Variants in ASIC2 observed in about 807,000 individuals in gnomAD.
The protein encoded by ASIC2 is acid sensing ion channel subunit 2.
A neutral mutation model predicts 57.3 loss-of-function variants in ASIC2; 25 were observed. That is an observed-to-expected ratio of 0.44 (90% CI 0.32 to 0.61). The LOEUF is 0.61. Ranked by LOEUF, ASIC2 falls within the 20% of genes least tolerant of loss-of-function variation. The pLI is 0.06. For missense variants in ASIC2, 641 were observed against 738.1 expected (o/e 0.87, Z 1.52); for synonymous variants, 319 against 307.5 (o/e 1.04, Z -0.39).
intron 1 of ASIC2, among the ~76,000 whole-genome samples, chr17:33,759,774 G>A (rs964368345): frequency 1.3e-5 from 2 of 152,154 alleles, no homozygotes; most frequent in Non-Finnish European, 2.9e-5. Flanking sequence ...TTGTGCTGCC[G>A]CTCTAGAAGG....
At position 33,960,327 on chromosome 17, in the gene ASIC2, A is replaced by T. The variant is rs1314785639; in HGVS notation, c.555+195651T>A. On this transcript the variant is annotated intron_variant, in intron 1 of 9. Coordinates refer to the ASIC2 transcript ENST00000359872. Reference sequence around the variant, plus strand: ...AGCCCCTAAATCTAGATCTGCCTGGATGCTTCAATCTTTGCACCAATACAT... The same window carrying T: ...AGCCCCTAAATCTAGATCTGCCTGGTTGCTTCAATCTTTGCACCAATACAT... Among the ~76,000 whole-genome samples, 5 of 152,314 alleles carry T rather than the reference A, an allele frequency of 3.3e-5. No individual in the cohort carries two copies. In the East Asian group the frequency reaches 9.6e-4, roughly 29 times the overall value.
intron 2 of ASIC2, among the ~76,000 whole-genome samples, chr17:33,107,687 T>A (rs1321687386): frequency 6.6e-6 from 1 of 152,238 alleles, no homozygotes; most frequent in Non-Finnish European, 1.5e-5. Flanking sequence ...CATGAGCCCA[T>A]AGGGCTGGGT....
chr17:33,481,311 T>A (rs1913396803), intron 1 of ASIC2, among the ~76,000 whole-genome samples: 1 of 152,242 alleles, frequency 6.6e-6, no homozygotes, highest in South Asian at 2.1e-4. Context: ...CACAACTCTC[T>A]TCTAAACTTC....
chr17:33,707,360 C>A (rs1908893711), intron 1 of ASIC2, among the ~76,000 whole-genome samples: 1 of 152,144 alleles, frequency 6.6e-6, no homozygotes, highest in Non-Finnish European at 1.5e-5. Context: ...TCCTCAGTTA[C>A]ATTTTGAACC....
At chr17:33,610,054 G>GCGCGCA (rs375575593) in intron 1 of ASIC2, among the ~76,000 whole-genome samples, 47 of 144,848 alleles carry the variant, frequency 3.2e-4, no homozygotes, top group African/African-American at 1.1e-3. Flanking sequence ...GGACAGAGGC[G>GCGCGCA]CACACACACA....
At position 33,178,699 on chromosome 17, in the gene ASIC2, C is replaced by T. The variant is rs1031262962; in HGVS notation, c.709-66632G>A. The stretch of plus-strand genomic sequence containing the variant: ...GATAGGCGTCATCTCTACACTGCGT[C>T]CCTCCACCAACCTAGAGGATCAGTT... On this transcript the variant is annotated intron_variant, in intron 1 of 9. Transcript: ENST00000225823. 3.3e-5 allele frequency among the ~76,000 whole-genome samples: 5 copies of T among 152,182 alleles called. No individual in the cohort carries two copies. In the East Asian group the frequency reaches 9.6e-4, roughly 29 times the overall value.
rs1035451195 is a variant in ASIC2 at position 33,389,655 on chromosome 17, G to A, written c.556-277588C>T. Among the ~76,000 whole-genome samples, 3 of 152,210 alleles carry A rather than the reference G, an allele frequency of 2.0e-5. No homozygotes were observed. The South Asian group carries it at 6.2e-4, about 32-fold the overall frequency. On this transcript the variant is annotated intron_variant, in intron 1 of 9. Coordinates refer to the ASIC2 transcript ENST00000359872. ...TCTAGCCCATTAGTTAAATCTGTCT[G>A]CAGAGGAAAGATCAAGGAAGAGATT...
intron 1 of ASIC2, among the ~76,000 whole-genome samples, chr17:33,453,621 G>C (rs1180834319): frequency 1.3e-5 from 2 of 152,144 alleles, no homozygotes; most frequent in African/African-American, 4.8e-5. Flanking sequence ...TTAAAAATCA[G>C]CTTTATTGAG....
intron 1 of ASIC2, among the ~76,000 whole-genome samples, chr17:33,482,774 C>T (rs964923551): frequency 6.6e-6 from 1 of 152,236 alleles, no homozygotes; most frequent in Non-Finnish European, 1.5e-5. Context: ...CCAATGCCAA[C>T]CTTCCCAGGC....
intron 3 of ASIC2, among the ~76,000 whole-genome samples, chr17:33,063,814 G>T (rs4643378): frequency 0.66 from 100,542 of 151,994 alleles, 33,691 homozygotes; most frequent in East Asian, 0.86. Context: ...ACGTAGATTT[G>T]GTCTTTTCAC....
chr17:33,377,419 C>T (rs1429332232), intron 1 of ASIC2, among the ~76,000 whole-genome samples: 2 of 152,200 alleles, frequency 1.3e-5, no homozygotes, highest in Non-Finnish European at 2.9e-5. Context: ...TTTAAAATGG[C>T]TGTAATGGCT....
intron 1 of ASIC2, chr17:33,980,955 T>TTTTTTTTTTTTTTTTTTTTTTTTTTTTG (rs1905597087): frequency 6.7e-6 from 1 of 149,314 alleles, no homozygotes; most frequent in African/African-American, 2.5e-5. Context: ...TTTTTTTTTT[T>TTTTTTTTTTTTTTTTTTTTTTTTTTTTG]AGACAGAATC....
At chr17:33,880,173 T>G (rs1045195318) in intron 1 of ASIC2, among the ~76,000 whole-genome samples, 1 of 151,944 alleles carries the variant, frequency 6.6e-6, no homozygotes, top group Non-Finnish European at 1.5e-5. Context: ...AAAATTGACA[T>G]CCTAACATCA....
intron 1 of ASIC2, among the ~76,000 whole-genome samples, chr17:33,235,687 C>T (rs1332033754): frequency 6.6e-6 from 1 of 152,094 alleles, no homozygotes; most frequent in Non-Finnish European, 1.5e-5. Flanking sequence ...CAGGCCCAGC[C>T]TTGGCCTCCA....
chr17:33,381,682 G>C (rs1396785991), intron 1 of ASIC2, among the ~76,000 whole-genome samples: 2 of 152,192 alleles, frequency 1.3e-5, no homozygotes, highest in Non-Finnish European at 2.9e-5. Context: ...GCTGCTCATG[G>C]TATCCGACAC....
At chr17:33,443,406 ATTTTT>A (rs779597047) in intron 1 of ASIC2, among the ~76,000 whole-genome samples, 37 of 75,262 alleles carry the variant, frequency 4.9e-4, no homozygotes, top group East Asian at 3.4e-3. Flanking sequence ...GGAGGGTAAG[ATTTTT>A]TTTTTTTTTT....
intron 1 of ASIC2, among the ~76,000 whole-genome samples, chr17:33,558,661 A>G (rs933045375): frequency 6.6e-6 from 1 of 152,220 alleles, no homozygotes; most frequent in Non-Finnish European, 1.5e-5. Context: ...TCTGTAGCAA[A>G]TAATCAGCTC....
At position 34,095,633 on chromosome 17, in the gene ASIC2, TTATATATATATATATATATATAATTTTA is replaced by T. The variant is rs1567818855; in HGVS notation, c.555+60317_555+60344del. Among the ~76,000 whole-genome samples the T allele has an allele frequency of 1.0e-3, 103 of 98,162 alleles. 1 individual carries two copies. Among genetic ancestry groups the T allele is most frequent in the African/African-American group, 4.3e-3 (102 of 23,896 alleles). The allele number at this position is 98,162 out of a possible 152,430, so 64.4% of individuals were successfully genotyped here. A position where few individuals can be genotyped will look rare whatever the true frequency, so the allele number is the denominator to read the frequency against. On this transcript the variant is annotated intron_variant, in intron 1 of 9. Transcript: ENST00000359872. ...TATATATATATATATATATATAATT[TTATATATATATATATATATATAATTTTA>T]TATATATATAGAGAGAGAGATATAT...
At chr17:34,047,977 T>A (rs778945915) in intron 1 of ASIC2, among the ~76,000 whole-genome samples, 2 of 152,132 alleles carry the variant, frequency 1.3e-5, no homozygotes, top group African/African-American at 4.8e-5. Flanking sequence ...CCACACCATA[T>A]CCTCAATAGG....
Sources: allele counts gnomAD v4.1 joint callset (sites outside exome capture counted in the v4.1 genomes callset), GRCh38; gene constraint gnomAD v4.1.1; transcripts MANE v1.5; gene names NCBI Gene and HGNC (gene_info 2026-07-23, HGNC 2026-07-21).